SLC67A1: variants seen among roughly 807,000 people sequenced by gnomAD.
SLC67A1 encodes solute carrier family 67 member A1.
chr11:2,922,307 C>T, the SLC67A1 span: 1 of 1,505,730 alleles, frequency 6.6e-7, no homozygotes. Flanking sequence ...CCTCCAGCCC[C>T]CCACACCCAC....
At chr11:2,912,937 C>T in the SLC67A1 span, among the ~76,000 whole-genome samples, 1 of 152,262 alleles carries the variant, frequency 6.6e-6, no homozygotes, top group South Asian at 2.1e-4. Context: ...GGCAGGACAC[C>T]CCTGCCCAGC....
chr11:2,906,678 A>G, the SLC67A1 span, among the ~76,000 whole-genome samples: 1 of 142,634 alleles, frequency 7.0e-6, no homozygotes. Context: ...GAACACCTGG[A>G]CACAGGGCGG....
At chr11:2,905,961 C>G in the SLC67A1 span, among the ~76,000 whole-genome samples, 1 of 152,178 alleles carries the variant, frequency 6.6e-6, no homozygotes, top group Non-Finnish European at 1.5e-5. Flanking sequence ...GAGCCCTGCC[C>G]TTGAGGAGGC....
At chr11:2,916,742 T>C in the SLC67A1 span, 2 of 1,611,456 alleles carry the variant, frequency 1.2e-6, no homozygotes, top group Non-Finnish European at 1.7e-6. Flanking sequence ...CACTGCCAGG[T>C]AAGCCCCGCC....
the SLC67A1 span, chr11:2,916,430 A>G: frequency 1.9e-6 from 1 of 538,046 alleles, no homozygotes; most frequent in Non-Finnish European, 3.3e-6. Context: ...CGCCCCACCC[A>G]TTCCTTCATC....
the SLC67A1 span, among the ~76,000 whole-genome samples, chr11:2,914,358 G>A: frequency 6.6e-6 from 1 of 152,320 alleles, no homozygotes; most frequent in South Asian, 2.1e-4. Flanking sequence ...TGCTAAGGGT[G>A]CTTCCAGTCA....
the SLC67A1 span, chr11:2,920,344 A>C: frequency 6.6e-6 from 1 of 152,346 alleles, no homozygotes; most frequent in African/African-American, 2.4e-5. Context: ...CAACAATAAT[A>C]GTAACAATCC....
At chr11:2,909,590 T>C in the SLC67A1 span, 1 of 1,529,650 alleles carries the variant, frequency 6.5e-7, no homozygotes, top group Non-Finnish European at 8.7e-7. Flanking sequence ...GCCCAGATGG[T>C]CATCACGGAC....
At chr11:2,915,176 T>C in the SLC67A1 span, 2 of 985,364 alleles carry the variant, frequency 2.0e-6, no homozygotes, top group Non-Finnish European at 2.4e-6. Flanking sequence ...GCCCAGACTC[T>C]CTGGACTCAG....
the SLC67A1 span, chr11:2,903,095 C>T: frequency 5.2e-6 from 4 of 772,878 alleles, no homozygotes; most frequent in Admixed American, 1.4e-4. Context: ...AGGCTGTGTG[C>T]CTGGAGACCA....
chr11:2,903,200 G>C, the SLC67A1 span: 1 of 1,499,760 alleles, frequency 6.7e-7, no homozygotes, highest in African/African-American at 1.4e-5. Flanking sequence ...CTGCAGTGCT[G>C]TCCTCTCTTG....
chr11:2,916,723 C>A, the SLC67A1 span: 1 of 1,612,986 alleles, frequency 6.2e-7, no homozygotes, highest in Admixed American at 1.7e-5. Context: ...AAAACTGACG[C>A]CCAGGCTCCA....
the SLC67A1 span, among the ~76,000 whole-genome samples, chr11:2,906,312 G>A: frequency 6.6e-6 from 1 of 152,190 alleles, no homozygotes; most frequent in East Asian, 1.9e-4. Context: ...GACATGTGGC[G>A]ATTCTTCAAG....
chr11:2,901,142 G>C, the SLC67A1 span, among the ~76,000 whole-genome samples: 1 of 152,274 alleles, frequency 6.6e-6, no homozygotes, highest in Admixed American at 6.5e-5. Flanking sequence ...AGCAAGAGAA[G>C]GTCAGAGAAA....
At chr11:2,914,798 G>C in the SLC67A1 span, 1 of 985,454 alleles carries the variant, frequency 1.0e-6, no homozygotes. Flanking sequence ...CAGACCCTGA[G>C]CTGTGACACG....
At chr11:2,907,455 A>G in the SLC67A1 span, among the ~76,000 whole-genome samples, 1 of 152,254 alleles carries the variant, frequency 6.6e-6, no homozygotes, top group Non-Finnish European at 1.5e-5. This position sits in a 1 kb window ranked among gnomAD's most constrained non-coding sequence, Gnocchi z 6.7. Context: ...TTACAACGTC[A>G]TCCATCCGAG....
the SLC67A1 span, among the ~76,000 whole-genome samples, chr11:2,915,745 A>G: frequency 2.6e-5 from 4 of 152,194 alleles, no homozygotes; most frequent in African/African-American, 9.6e-5. Context: ...ACAGGCCTGG[A>G]GGCCTTACAG....
the SLC67A1 span, chr11:2,908,407 C>T: frequency 2.7e-5 from 30 of 1,120,194 alleles, no homozygotes; most frequent in Non-Finnish European, 3.7e-5. Flanking sequence ...CTCAGACGGG[C>T]CAGGTTCCCT....
the SLC67A1 span, chr11:2,915,294 T>TGC: frequency 0.089 from 82,908 of 934,682 alleles, 4,610 homozygotes; most frequent in East Asian, 0.54. Context: ...TGTGTGTGTG[T>TGC]GTGCGCATGT....
Sources: gnomAD v4.1 joint callset for allele counts (sites outside exome capture counted in the v4.1 genomes callset) on GRCh38, gnomAD v4.1.1 for gene constraint, Gnocchi (gnomAD v3.1) non-coding constraint, MANE v1.5 for transcripts, NCBI Gene and HGNC (gene_info 2026-07-23, HGNC 2026-07-21) for gene names.